ATAD1: variants seen among roughly 807,000 people sequenced by gnomAD.
The protein encoded by ATAD1 is outer mitochondrial transmembrane helix translocase.
ATAD1 carries 18 observed loss-of-function variants against 42.7 expected under a neutral mutation model. The ratio of observed to expected loss-of-function variants is 0.42; its 90% CI spans 0.29 to 0.63. The LOEUF is 0.63. Among genes scored for constraint, ATAD1 ranks in the 20% least tolerant of loss-of-function variants. The pLI, the probability that ATAD1 is intolerant of heterozygous loss-of-function variation, is 0.19. For missense variants in ATAD1, 294 were observed against 440.4 expected, an observed-to-expected ratio of 0.67 and a Z score of 2.98; for synonymous variants, 132 against 143.1, an observed-to-expected ratio of 0.92 and a Z score of 0.55.
chr10:87,786,246 G>A (rs1855827906), intron 4 of ATAD1, among the ~76,000 whole-genome samples: 1 of 152,024 alleles, frequency 6.6e-6, no homozygotes, highest in African/African-American at 2.4e-5. Flanking sequence ...TGTTACACTT[G>A]GTACTTTCTT....
At chr10:87,790,096 T>C (rs1355355190) in intron 4 of ATAD1, among the ~76,000 whole-genome samples, 3 of 152,210 alleles carry the variant, frequency 2.0e-5, no homozygotes, top group Non-Finnish European at 4.4e-5. Flanking sequence ...TTGAAGGAGA[T>C]TATTTTAACA....
intron 1 of ATAD1, among the ~76,000 whole-genome samples, chr10:87,839,395 C>A (rs1290308100): frequency 4.6e-5 from 7 of 152,176 alleles, no homozygotes; most frequent in African/African-American, 1.7e-4. Context: ...CTTTCACATA[C>A]ATCCTGTTAA....
intron 6 of ATAD1, 107 bp downstream of exon 6, chr10:87,776,213 AT>A: frequency 1.3e-6 from 1 of 767,838 alleles, no homozygotes; most frequent in Non-Finnish European, 2.2e-6. Flanking sequence ...ATAAGTGTAA[AT>A]AATTATGAAA....
chr10:87,759,691 G>C, intron 8 of ATAD1: 1 of 426,200 alleles, frequency 2.3e-6, no homozygotes, highest in South Asian at 1.7e-5. Context: ...TTAATTAAGA[G>C]GTACCATACC....
At position 87,838,754 on chromosome 10, in the gene ATAD1, C is replaced by CTT. The variant is rs201618089; in HGVS notation, c.-14+2432_-14+2433insAA. 2.9e-3 allele frequency among the ~76,000 whole-genome samples: 446 copies of CTT among 152,258 alleles called. 3 individuals are homozygous for CTT. Among genetic ancestry groups the CTT allele is most frequent in the Middle Eastern group, 0.014 (4 of 294 alleles). ...ATTCATATTCTCTCTCTCTCTCTCT[C>CTT]TCTCTCCTTTTTGTGAGGACATAGC... On this transcript the variant is annotated intron_variant, in intron 1 of 4. Coordinates refer to the ATAD1 transcript ENST00000495903.
At chr10:87,823,079 AAAG>A (rs1483880633), upstream of ATAD1, among the ~76,000 whole-genome samples, 5 of 151,806 alleles carry the variant, frequency 3.3e-5, no homozygotes, top group Non-Finnish European at 5.9e-5. Context: ...CATTCTGTAA[AAAG>A]AAGAGAACTA....
At chr10:87,767,052 G>A (rs951742062) in intron 8 of ATAD1, among the ~76,000 whole-genome samples, 2 of 151,816 alleles carry the variant, frequency 1.3e-5, no homozygotes, top group Non-Finnish European at 2.9e-5. Context: ...AAAAAACAAC[G>A]ACAAAAAACT....
intron 2 of ATAD1, among the ~76,000 whole-genome samples, chr10:87,806,709 C>T (rs542960398): frequency 6.6e-6 from 1 of 152,244 alleles, no homozygotes. Context: ...AAGTATGCCA[C>T]TCTGGCATAA....
intron 8 of ATAD1, among the ~76,000 whole-genome samples, chr10:87,762,914 A>ATATAT (rs1358202098): frequency 1.1e-4 from 12 of 110,628 alleles, no homozygotes; most frequent in Non-Finnish European, 2.2e-4. Context: ...ACTAAAAAAA[A>ATATAT]AAAAATATAT....
chr10:87,836,377 CA>C (rs1857930514), intron 1 of ATAD1, among the ~76,000 whole-genome samples: 1 of 152,214 alleles, frequency 6.6e-6, no homozygotes, highest in Non-Finnish European at 1.5e-5. Context: ...GGTATGCTGA[CA>C]ACAAATTATC....
intron 8 of ATAD1, among the ~76,000 whole-genome samples, chr10:87,758,348 A>C (rs1026395761): frequency 6.6e-6 from 1 of 152,180 alleles, no homozygotes; most frequent in Non-Finnish European, 1.5e-5. Flanking sequence ...GGAAGGGAGA[A>C]AAACAGAATA....
At chr10:87,786,234 AT>A (rs959232940) in intron 4 of ATAD1, among the ~76,000 whole-genome samples, 2 of 152,212 alleles carry the variant, frequency 1.3e-5, no homozygotes, top group African/African-American at 4.8e-5. Flanking sequence ...GGGTTTTTAT[AT>A]TGTTACACTT....
At chr10:87,826,833 C>T (rs1327609000) in intron 1 of ATAD1, among the ~76,000 whole-genome samples, 1 of 152,152 alleles carries the variant, frequency 6.6e-6, no homozygotes, top group Non-Finnish European at 1.5e-5. Context: ...CATATTTTGT[C>T]TTATTTTTGA....
At chr10:87,762,845 C>A (rs1589463331) in intron 8 of ATAD1, among the ~76,000 whole-genome samples, 1 of 146,458 alleles carries the variant, frequency 6.8e-6, no homozygotes, top group Non-Finnish European at 1.5e-5. Flanking sequence ...CTGAGGCGGG[C>A]GGATCATGAG....
intron 1 of ATAD1, among the ~76,000 whole-genome samples, chr10:87,816,671 A>C (rs1217618850): frequency 6.6e-6 from 1 of 151,906 alleles, no homozygotes; most frequent in Non-Finnish European, 1.5e-5. Flanking sequence ...CATGGATTCC[A>C]AAAAAAACGG....
intron 8 of ATAD1, among the ~76,000 whole-genome samples, chr10:87,761,100 T>C (rs1854463906): frequency 6.6e-6 from 1 of 152,100 alleles, no homozygotes; most frequent in Non-Finnish European, 1.5e-5. Context: ...AAAACCCTTA[T>C]TTAGCTCCAC....
intron 5 of ATAD1, among the ~76,000 whole-genome samples, chr10:87,783,273 A>C (rs554742989): frequency 6.6e-6 from 1 of 151,840 alleles, no homozygotes; most frequent in South Asian, 2.1e-4. Context: ...CAGGAGGCTG[A>C]GGTGGAAGGT....
At chr10:87,770,069 A>T (rs573121953) in intron 7 of ATAD1, among the ~76,000 whole-genome samples, 1 of 152,344 alleles carries the variant, frequency 6.6e-6, no homozygotes, top group Non-Finnish European at 1.5e-5. Context: ...ACTTTATTAC[A>T]GTTGTAGCTA....
chr10:87,806,578 T>G (rs1319953508), intron 2 of ATAD1, among the ~76,000 whole-genome samples: 6 of 152,188 alleles, frequency 3.9e-5, no homozygotes, highest in African/African-American at 1.4e-4. Context: ...AATGTCTACA[T>G]GGGATCACAC....
Sources: gnomAD v4.1 joint callset for allele counts (sites outside exome capture counted in the v4.1 genomes callset) on GRCh38, gnomAD v4.1.1 for gene constraint, MANE v1.5 for transcripts, NCBI Gene and HGNC (gene_info 2026-07-23, HGNC 2026-07-21) for gene names.